KIAA0825: variants seen among roughly 807,000 people sequenced by gnomAD.
KIAA0825 encodes uncharacterized protein KIAA0825.
Under a neutral mutation model 147.6 loss-of-function variants are expected in KIAA0825, and 119 were observed. The ratio of observed to expected loss-of-function variants is 0.81; its 90% CI spans 0.69 to 0.94. The LOEUF (loss-of-function observed/expected upper bound fraction) is 0.94, where lower values mean the gene tolerates loss of function less well. KIAA0825 is among the 40% of genes least tolerant of loss of function. KIAA0825 has a pLI of 0.00. For synonymous variants in KIAA0825, 470 were observed against 518.1 expected, an observed-to-expected ratio of 0.91 and a Z score of 1.26; for missense variants, 1,381 against 1,472.7, an observed-to-expected ratio of 0.94 and a Z score of 1.02.
intron 1 of KIAA0825, among the ~76,000 whole-genome samples, chr5:94,603,096 G>T (rs1786812172): frequency 6.6e-6 from 1 of 152,022 alleles, no homozygotes; most frequent in African/African-American, 2.4e-5. Context: ...CAAAGTGCTG[G>T]GATTACAGGT....
In KIAA0825 at chr5:94,395,886, C is replaced by T. The variant is rs554485003; in HGVS notation, c.3296+215G>A. 3.7e-4 allele frequency among the ~76,000 whole-genome samples: 57 copies of T among 152,200 alleles called. 1 individual carries two copies. The highest frequency in any genetic ancestry group is 7.4e-4 in the Non-Finnish European group (50 of 68,018). On this transcript the variant is annotated intron_variant, in intron 17 of 20. Coordinates refer to ENST00000682413, the MANE Select transcript of KIAA0825 (RefSeq NM_001145678.3). ...TGGTGACTAAACAAGTATAATGTTC[C>T]AGTGTGTCAATGGGGTTCACATTTT...
chr5:94,430,506 A>T (rs970849009), intron 14 of KIAA0825, among the ~76,000 whole-genome samples: 2 of 152,164 alleles, frequency 1.3e-5, no homozygotes, highest in Non-Finnish European at 2.9e-5. Context: ...TTAAAACATC[A>T]AGTGCGCAAT....
rs116728001 is a variant in KIAA0825, at chr5:94,430,282, C to G, written c.2497+9700G>C. Among the ~76,000 whole-genome samples the G allele has an allele frequency of 1.9e-3, 282 of 152,282 alleles. 2 individuals are homozygous for G. The highest frequency in any genetic ancestry group is 3.2e-3 in the Non-Finnish European group (220 of 68,018). ...ACCATTTTATTTGCAGTCTAAAACA[C>G]TGCCTGGTACATACTTGATGCTCAC... On this transcript the variant is annotated intron_variant, in intron 14 of 20. Coordinates refer to ENST00000682413, the MANE Select transcript of KIAA0825 (RefSeq NM_001145678.3).
In KIAA0825 at chr5:94,409,963, G is replaced by A. The variant is rs547681325; in HGVS notation, c.2663-6170C>T. Reference sequence around the variant, plus strand: ...GCATCCACTAAAAAATTACCAGACAGGGAAAGAAATATGATCCATAATCAA... The same window carrying A: ...GCATCCACTAAAAAATTACCAGACAAGGAAAGAAATATGATCCATAATCAA... On this transcript the variant is annotated intron_variant, in intron 15 of 20. Transcript: ENST00000682413. Among the ~76,000 whole-genome samples the A allele has an allele frequency of 2.0e-5, 3 of 152,136 alleles. No homozygotes were observed. The South Asian group carries it at 6.2e-4, about 32-fold the overall frequency.
chr5:94,501,364 G>A (rs765383839), intron 5 of KIAA0825, among the ~76,000 whole-genome samples: 1 of 152,202 alleles, frequency 6.6e-6, no homozygotes, highest in South Asian at 2.1e-4. Context: ...TTAATACTTA[G>A]ATGCTATGAG....
chr5:94,607,018 C>T (rs1787609891), intron 1 of KIAA0825, among the ~76,000 whole-genome samples: 1 of 152,162 alleles, frequency 6.6e-6, no homozygotes, highest in Non-Finnish European at 1.5e-5. Flanking sequence ...CCACCATGAT[C>T]CAAACACCTC....
chr5:94,209,219 A>G, intron 20 of KIAA0825, among the ~76,000 whole-genome samples: 1 of 152,214 alleles, frequency 6.6e-6, no homozygotes, highest in Non-Finnish European at 1.5e-5. Context: ...TGTTTTTTAT[A>G]ACATGAAAAC....
chr5:94,259,849 T>C (rs1776411984), intron 20 of KIAA0825, among the ~76,000 whole-genome samples: 1 of 151,912 alleles, frequency 6.6e-6, no homozygotes, highest in Admixed American at 6.6e-5. Context: ...ATTGCTAATA[T>C]TTTTATATTT....
intron 14 of KIAA0825, among the ~76,000 whole-genome samples, chr5:94,426,046 A>ATTATTATTATTG (rs1421716577): frequency 6.7e-6 from 1 of 149,840 alleles, no homozygotes; most frequent in African/African-American, 2.4e-5. Flanking sequence ...TATTATTATT[A>ATTATTATTATTG]TTATTATAGA....
At chr5:94,343,030 T>A (rs1008888743) in intron 20 of KIAA0825, among the ~76,000 whole-genome samples, 3 of 151,962 alleles carry the variant, frequency 2.0e-5, no homozygotes, top group African/African-American at 7.3e-5. Flanking sequence ...AAAAATAAAT[T>A]CTAATACAAG....
At chr5:94,214,152 G>C (rs548265675) in intron 20 of KIAA0825, among the ~76,000 whole-genome samples, 2 of 151,962 alleles carry the variant, frequency 1.3e-5, no homozygotes, top group Non-Finnish European at 2.9e-5. Flanking sequence ...CACTGCACCC[G>C]GCCCTGGATA....
At chr5:94,389,702 A>G (rs1042169566) in intron 18 of KIAA0825, among the ~76,000 whole-genome samples, 2 of 152,170 alleles carry the variant, frequency 1.3e-5, no homozygotes, top group African/African-American at 4.8e-5. Context: ...AAACATCACA[A>G]TGCAATGTCA....
chr5:94,388,469 C>T (rs754935311), intron 18 of KIAA0825, among the ~76,000 whole-genome samples: 7 of 152,064 alleles, frequency 4.6e-5, no homozygotes, highest in Non-Finnish European at 8.8e-5. Context: ...TAGTTTTATG[C>T]CTAGATTTAG....
intron 20 of KIAA0825, among the ~76,000 whole-genome samples, chr5:94,227,229 G>C (rs1562323217): frequency 6.6e-6 from 1 of 152,152 alleles, no homozygotes; most frequent in Non-Finnish European, 1.5e-5. Context: ...AAAAAATGAT[G>C]AGTTCATGTC....
At chr5:94,543,589 A>G (rs1046818682) in intron 2 of KIAA0825, among the ~76,000 whole-genome samples, 5 of 152,222 alleles carry the variant, frequency 3.3e-5, no homozygotes, top group African/African-American at 4.8e-5. Flanking sequence ...CTCTACCCTG[A>G]ACACAGGAGA....
chr5:94,616,566 G>A (rs1283240603), intron 1 of KIAA0825, among the ~76,000 whole-genome samples: 1 of 152,044 alleles, frequency 6.6e-6, no homozygotes, highest in African/African-American at 2.4e-5. Flanking sequence ...AAATATACAT[G>A]TATACAAATG....
chr5:94,591,578 A>C (rs1341626148), intron 1 of KIAA0825, among the ~76,000 whole-genome samples: 1 of 152,232 alleles, frequency 6.6e-6, no homozygotes, highest in East Asian at 1.9e-4. Flanking sequence ...TATACCAGTA[A>C]AATCAGTGTT....
chr5:94,165,808 T>C (rs1562291459), intron 20 of KIAA0825, among the ~76,000 whole-genome samples: 2 of 151,976 alleles, frequency 1.3e-5, no homozygotes, highest in Non-Finnish European at 2.9e-5. Context: ...ATCAAAACAA[T>C]TGAACTCATG....
chr5:94,478,397 C>T (rs1762133160), intron 6 of KIAA0825, among the ~76,000 whole-genome samples: 1 of 151,696 alleles, frequency 6.6e-6, no homozygotes, highest in South Asian at 2.1e-4. Context: ...ATTAAAGTGA[C>T]AGAACACTGC....
Sources: allele counts gnomAD v4.1 joint callset (sites outside exome capture counted in the v4.1 genomes callset), GRCh38; gene constraint gnomAD v4.1.1; transcripts MANE v1.5; gene names NCBI Gene and HGNC (gene_info 2026-07-23, HGNC 2026-07-21).